SNX3: variants seen among roughly 807,000 people sequenced by gnomAD.
SNX3 encodes the protein sorting nexin 3.
In SNX3, 5 loss-of-function variants were observed where a neutral mutation model predicts 17.7. That is an observed-to-expected ratio of 0.28 (90% CI 0.15 to 0.59). The LOEUF is 0.59. Among genes scored for constraint, SNX3 ranks in the 20% least tolerant of loss-of-function variants. The pLI, the probability that SNX3 is intolerant of heterozygous loss-of-function variation, is 0.88. For missense variants in SNX3, 132 were observed against 206.8 expected (o/e 0.64, Z 2.22); for synonymous variants, 91 against 76.5 (o/e 1.19, Z -0.99).
intron 1 of SNX3, among the ~76,000 whole-genome samples, chr6:108,240,661 G>C (rs1000465760): frequency 1.3e-5 from 2 of 152,206 alleles, no homozygotes; most frequent in African/African-American, 4.8e-5. Flanking sequence ...GTAGAATATA[G>C]AAGTCCCAAA....
chr6:108,235,219 T>C (rs1032750827), intron 1 of SNX3, among the ~76,000 whole-genome samples: 4 of 152,230 alleles, frequency 2.6e-5, no homozygotes, highest in African/African-American at 9.6e-5. Flanking sequence ...TCTCTTGCGA[T>C]CCTGTCACCG....
chr6:108,230,956 T>A (rs574973597), intron 1 of SNX3, among the ~76,000 whole-genome samples: 15 of 152,200 alleles, frequency 9.9e-5, no homozygotes, highest in Non-Finnish European at 1.9e-4. Flanking sequence ...TAGTAACATT[T>A]CTTTGGAAAA....
intron 1 of SNX3, chr6:108,252,083 AAAAC>A (rs1361973933): frequency 2.1e-5 from 3 of 140,114 alleles, no homozygotes; most frequent in East Asian, 2.0e-4. Context: ...ATAAATAAAT[AAAAC>A]AAACAAACAA....
At chr6:108,213,755 T>C (rs888044939) in intron 3 of SNX3, among the ~76,000 whole-genome samples, 3 of 152,216 alleles carry the variant, frequency 2.0e-5, no homozygotes, top group African/African-American at 7.2e-5. Flanking sequence ...AAGGGCTTTA[T>C]GTAACCCTTT....
chr6:108,258,872 A>C (rs1253711666), intron 1 of SNX3, among the ~76,000 whole-genome samples: 1 of 152,112 alleles, frequency 6.6e-6, no homozygotes, highest in East Asian at 1.9e-4. Context: ...TAAAAAAAAA[A>C]GAGGATTAAA....
chr6:108,222,860 C>A, intron 2 of SNX3, 90 bp downstream of exon 2: 3 of 764,262 alleles, frequency 3.9e-6, no homozygotes, highest in Non-Finnish European at 6.6e-6. Context: ...TTGCTTTTAC[C>A]CATTTTATTC....
intron 1 of SNX3, among the ~76,000 whole-genome samples, chr6:108,226,568 T>A (rs1774979579): frequency 6.6e-6 from 1 of 152,148 alleles, no homozygotes; most frequent in Non-Finnish European, 1.5e-5. Context: ...TGTTTTACAA[T>A]TGGAAGAAAA....
intron 1 of SNX3, among the ~76,000 whole-genome samples, chr6:108,250,708 T>C (rs1474837346): frequency 1.3e-5 from 2 of 152,270 alleles, no homozygotes; most frequent in South Asian, 2.1e-4. Context: ...ACGAGACTTA[T>C]ACAACAGAGA....
intron 1 of SNX3, among the ~76,000 whole-genome samples, chr6:108,249,201 A>G (rs1306126312): frequency 6.6e-6 from 1 of 152,158 alleles, no homozygotes; most frequent in Non-Finnish European, 1.5e-5. Flanking sequence ...CTCTTAAAAC[A>G]CATACACACA....
chr6:108,237,514 G>C (rs554369305), intron 1 of SNX3, among the ~76,000 whole-genome samples: 16 of 152,018 alleles, frequency 1.1e-4, no homozygotes, highest in Non-Finnish European at 2.2e-4. Context: ...GGCCAGGTGC[G>C]GTGGCTCACG....
intron 1 of SNX3, among the ~76,000 whole-genome samples, chr6:108,243,334 T>TA (rs1390449267): frequency 6.6e-6 from 1 of 152,038 alleles, no homozygotes; most frequent in East Asian, 1.9e-4. Flanking sequence ...CTAATACATC[T>TA]AACAAGACTA....
At chr6:108,228,761 T>C (rs1304576314) in intron 1 of SNX3, among the ~76,000 whole-genome samples, 1 of 151,980 alleles carries the variant, frequency 6.6e-6, no homozygotes, top group African/African-American at 2.4e-5. Flanking sequence ...ACATAACTTT[T>C]GAATGAACAA....
intron 2 of SNX3, 104 bp from the exon 3 acceptor site, chr6:108,214,726 T>C (rs936420116): frequency 5.2e-5 from 65 of 1,252,890 alleles, no homozygotes; most frequent in Non-Finnish European, 6.9e-5. Context: ...ACAGCCATCG[T>C]CCGGTCAAAC....
intron 2 of SNX3, among the ~76,000 whole-genome samples, chr6:108,218,643 T>G (rs897073638): frequency 2.6e-5 from 4 of 152,092 alleles, no homozygotes; most frequent in African/African-American, 9.7e-5. Context: ...ATAAATAAGA[T>G]GTGGTATAAG....
intron 1 of SNX3, among the ~76,000 whole-genome samples, chr6:108,254,971 G>A (rs1170158253): frequency 6.6e-6 from 1 of 152,182 alleles, no homozygotes; most frequent in Admixed American, 6.6e-5. Context: ...AGGATCAGTT[G>A]ATCAGCTTCT....
chr6:108,212,160 T>G lies in SNX3; in HGVS notation c.478A>C (p.Arg160=), dbSNP rs1774425886. 6.3e-7 allele frequency: 1 copy of G among 1,591,374 alleles called. No homozygotes were observed. The highest frequency in any genetic ancestry group is 2.2e-5 in the East Asian group (1 of 44,734). Residue 160 remains arginine (R), a synonymous_variant, in exon 4 of 4, where the codon AGA becomes CGA. Coordinates refer to ENST00000230085, the MANE Select transcript of SNX3 (RefSeq NM_003795.6). ...IDKSYTPSKI[R]HA is the part of the protein sequence containing the mutation. ...CTTCTTGCCAAATTTCAGGCATGTC[T>G]TATTTTAGATGGAGTATAGCTTTTA... is the stretch of plus-strand genomic sequence containing the variant.
chr6:108,236,382 T>TA (rs1480883371), intron 1 of SNX3, among the ~76,000 whole-genome samples: 3,106 of 137,388 alleles, frequency 0.023, 79 homozygotes, highest in African/African-American at 0.073. Flanking sequence ...ATTATTATTT[T>TA]TTTTTTTTTT....
chr6:108,241,110 C>T (rs1380659316), intron 1 of SNX3, among the ~76,000 whole-genome samples: 1 of 136,652 alleles, frequency 7.3e-6, no homozygotes, highest in African/African-American at 2.8e-5. Context: ...CGCCACTGCA[C>T]TCGAGCCTGA....
At chr6:108,247,369 G>A (rs1281176322) in intron 1 of SNX3, among the ~76,000 whole-genome samples, 2 of 151,800 alleles carry the variant, frequency 1.3e-5, no homozygotes, top group African/African-American at 4.8e-5. Flanking sequence ...TCAATATCTA[G>A]GATGTATTTT....
Sources: allele counts gnomAD v4.1 joint callset (sites outside exome capture counted in the v4.1 genomes callset), GRCh38; gene constraint gnomAD v4.1.1; transcripts MANE v1.5; gene names NCBI Gene and HGNC (gene_info 2026-07-23, HGNC 2026-07-21).